Variants in PPM1G observed in about 807,000 individuals in gnomAD.
The protein encoded by PPM1G is protein phosphatase, Mg2+/Mn2+ dependent 1G.
Under a neutral mutation model 59.4 loss-of-function variants are expected in PPM1G, and 12 were observed. The ratio of observed to expected loss-of-function variants is 0.20; its 90% confidence interval spans 0.13 to 0.33. The LOEUF (loss-of-function observed/expected upper bound fraction) is 0.33. Among genes scored for constraint, PPM1G ranks in the 10% least tolerant of loss-of-function variants. PPM1G has a pLI of 1.00. For missense variants in PPM1G, 392 were observed against 681.3 expected (o/e 0.58, Z 4.73); for synonymous variants, 245 against 251.9 (o/e 0.97, Z 0.26).
chr2:27,387,599 C>T lies in PPM1G; in HGVS notation c.121-441G>A, dbSNP rs113849469. Among the ~76,000 whole-genome samples the T allele has an allele frequency of 5.9e-4, 89 of 152,082 alleles. 1 individual carries two copies. The highest frequency in any genetic ancestry group is 2.1e-3 in the African/African-American group (86 of 41,474). On this transcript the variant is annotated intron_variant, in intron 1 of 9. Coordinates refer to ENST00000344034, the MANE Select transcript of PPM1G (RefSeq NM_177983.3). ...CACTGCAACCTCCGCCTCGTGGGTT[C>T]AAGCGATTCTCCTGCCTCCGCCTGC... is the stretch of plus-strand genomic sequence containing the variant.
At position 27,388,237 on chromosome 2, in the gene PPM1G, C is replaced by T. The variant is rs369446764; in HGVS notation, c.121-1079G>A. 7.9e-4 allele frequency among the ~76,000 whole-genome samples: 120 copies of T among 151,558 alleles called. 1 individual carries two copies. Among genetic ancestry groups the T allele is most frequent in the African/African-American group, 2.6e-3 (107 of 41,400 alleles). ...CATCCTGGCCAACATGGTGAAACCCCGTCTCTACTAAAAATACAAAAATTA... is the reference window on the plus strand; with the variant it reads ...CATCCTGGCCAACATGGTGAAACCCTGTCTCTACTAAAAATACAAAAATTA... On this transcript the variant is annotated intron_variant, in intron 1 of 9. Transcript: ENST00000344034.
Position 27,384,232 on chromosome 2 carries a change from G to T in PPM1G, c.826-140C>A. 7.1e-7 allele frequency: 1 copy of T among 1,416,678 alleles called. No individual in the cohort carries two copies. Among genetic ancestry groups the T allele is most frequent in the Non-Finnish European group, 9.5e-7 (1 of 1,052,288 alleles). 87.8% of individuals were successfully genotyped at this position (1,416,678 alleles called of 1,614,324 possible). A position where few individuals can be genotyped will look rare whatever the true frequency, so the allele number is the denominator to read the frequency against. ...ATACAAGTATATGGTCATGAAAATT[G>T]GGGGGATGGAAAGGGCTAGCATGAG... is the stretch of plus-strand genomic sequence containing the variant. On this transcript the variant is annotated intron_variant, in intron 5 of 9. Coordinates refer to ENST00000344034, the MANE Select transcript of PPM1G (RefSeq NM_177983.3). The surrounding 1 kb of genome is among the most constrained non-coding windows in gnomAD (Gnocchi z 4.8).
intron 1 of PPM1G, among the ~76,000 whole-genome samples, chr2:27,399,660 G>C (rs1160691043): frequency 1.6e-4 from 25 of 152,126 alleles, no homozygotes; most frequent in Admixed American, 1.6e-3. Flanking sequence ...TTAGCCATCA[G>C]AGAAATACAA....
At chr2:27,389,697 G>A (rs1294526552) in intron 1 of PPM1G, among the ~76,000 whole-genome samples, 1 of 152,176 alleles carries the variant, frequency 6.6e-6, no homozygotes, top group Non-Finnish European at 1.5e-5. Context: ...AGGTGCGATG[G>A]CTCACACCTG....
intron 1 of PPM1G, 135 bp from the exon 2 acceptor site, chr2:27,387,293 T>G: frequency 1.6e-6 from 1 of 641,898 alleles, no homozygotes; most frequent in East Asian, 2.8e-5. Context: ...GAAGAAGGAA[T>G]GATAAAATAA....
At chr2:27,394,417 T>C (rs2148423352) in intron 1 of PPM1G, among the ~76,000 whole-genome samples, 3 of 152,212 alleles carry the variant, frequency 2.0e-5, no homozygotes, top group Non-Finnish European at 4.4e-5. Context: ...GGCTAAATCA[T>C]TTCTGATCAT....
At chr2:27,398,606 G>A (rs899278883) in intron 1 of PPM1G, among the ~76,000 whole-genome samples, 3 of 151,232 alleles carry the variant, frequency 2.0e-5, no homozygotes, top group Admixed American at 6.6e-5. Context: ...GACGGATCAC[G>A]AGGTCAAGAG....
In PPM1G at chr2:27,392,286, G is replaced by GTTTTTTTTTTT. The variant is rs70953857; in HGVS notation, c.121-5139_121-5129dup. Among the ~76,000 whole-genome samples the GTTTTTTTTTTT allele has an allele frequency of 1.9e-3, 134 of 70,320 alleles. 1 individual carries two copies. Among genetic ancestry groups the GTTTTTTTTTTT allele is most frequent in the African/African-American group, 3.6e-3 (58 of 16,232 alleles). The allele number at this position is 70,320 out of a possible 152,430, so 46.1% of individuals were successfully genotyped here. ...TTACTTTGTTTTGTTGGTTTGTTTT[G>GTTTTTTTTTTT]TTTTTTTTTTTTTTTTTTTTTTTTG... On this transcript the variant is annotated intron_variant, in intron 1 of 9. Transcript: ENST00000344034.
chr2:27,384,099 G>A lies in PPM1G; in HGVS notation c.826-7C>T, dbSNP rs763993801. ...CCTCTTCCTCGCTGCATTCCTGCCA[G>A]GGGGAGGATCCCAGACTGCTGAGAC... is the stretch of plus-strand genomic sequence containing the variant. On this transcript the variant is annotated splice_polypyrimidine_tract_variant and splice_region_variant and intron_variant, in intron 5 of 9. Transcript: ENST00000344034. The surrounding 1 kb of genome is among the most constrained non-coding windows in gnomAD (Gnocchi z 4.8). 1.2e-6 allele frequency: 2 copies of A among 1,613,902 alleles called. No homozygotes were observed. The highest frequency in any genetic ancestry group is 8.5e-7 in the Non-Finnish European group (1 of 1,179,928).
At chr2:27,404,214 T>C (rs1467794667) in intron 1 of PPM1G, among the ~76,000 whole-genome samples, 5 of 152,060 alleles carry the variant, frequency 3.3e-5, no homozygotes, top group Non-Finnish European at 5.9e-5. Context: ...CTATAGATAT[T>C]GACACTGCCT....
intron 1 of PPM1G, among the ~76,000 whole-genome samples, chr2:27,404,854 G>A (rs1402625641): frequency 1.4e-5 from 2 of 148,088 alleles, no homozygotes; most frequent in Non-Finnish European, 3.0e-5. Context: ...TGAGGCAGGA[G>A]AATCGCTTGA....
At chr2:27,403,638 G>C (rs768007791) in intron 1 of PPM1G, among the ~76,000 whole-genome samples, 1 of 152,066 alleles carries the variant, frequency 6.6e-6, no homozygotes, top group Non-Finnish European at 1.5e-5. Flanking sequence ...TGTAATCCCA[G>C]CACTTTGGGA....
In PPM1G at chr2:27,385,607, CAGG is replaced by C; in HGVS notation, c.409+137_409+139del. On this transcript the variant is annotated intron_variant, in intron 4 of 9. Coordinates refer to ENST00000344034, the MANE Select transcript of PPM1G (RefSeq NM_177983.3). The surrounding 1 kb of genome is among the most constrained non-coding windows in gnomAD (Gnocchi z 4.1). ...CTCCTTTTCATAACCACATACAATG[CAGG>C]AGAACATCATAGGTTTCTTTAACAT... 9.3e-7 allele frequency: 1 copy of C among 1,074,032 alleles called. No homozygotes were observed. Among genetic ancestry groups the C allele is most frequent in the Non-Finnish European group, 1.3e-6 (1 of 761,058 alleles). The allele number at this position is 1,074,032 out of a possible 1,614,324, so 66.5% of individuals were successfully genotyped here. A position where few individuals can be genotyped will look rare whatever the true frequency, so the allele number is the denominator to read the frequency against.
In PPM1G at chr2:27,392,876, T is replaced by C. The variant is rs1389107189; in HGVS notation, c.121-5718A>G. On this transcript the variant is annotated intron_variant, in intron 1 of 9. Coordinates refer to ENST00000344034, the MANE Select transcript of PPM1G (RefSeq NM_177983.3). ...GGCGCTCCCATCTCGTGCATGTTGG[T>C]CACGTGGTCACCCAATTCTTTGATG... The C allele has an allele frequency of 2.1e-6, 3 of 1,432,738 alleles. No homozygotes were observed. The Admixed American group carries it at 5.0e-5, about 24-fold the overall frequency. The allele number at this position is 1,432,738 out of a possible 1,614,324, so 88.8% of individuals were successfully genotyped here.
Position 27,383,812 on chromosome 2 carries a change from T to C in PPM1G, c.966+140A>G, listed in dbSNP as rs988099974. 1 of 1,341,456 alleles carries C rather than the reference T, an allele frequency of 7.5e-7. No homozygotes were observed. The highest frequency in any genetic ancestry group is 1.5e-5 in the African/African-American group (1 of 67,942). The allele number at this position is 1,341,456 out of a possible 1,614,324, so 83.1% of individuals were successfully genotyped here. A position where few individuals can be genotyped will look rare whatever the true frequency, so the allele number is the denominator to read the frequency against. ...TCAACCCCAAAGGCTTACCATCTCA[T>C]TCCCCTTGCAGAATAAATCCCCATG... On this transcript the variant is annotated intron_variant, in intron 6 of 9. Transcript: ENST00000344034. The surrounding 1 kb of genome is among the most constrained non-coding windows in gnomAD (Gnocchi z 5.0).
Position 27,392,286 on chromosome 2 carries a change from G to GTTTTTTTTTTTTTTTT in PPM1G, c.121-5144_121-5129dup, listed in dbSNP as rs70953857. Among the ~76,000 whole-genome samples, 53 of 70,390 alleles carry GTTTTTTTTTTTTTTTT rather than the reference G, an allele frequency of 7.5e-4. 7 individuals are homozygous for GTTTTTTTTTTTTTTTT. The highest frequency in any genetic ancestry group is 3.2e-3 in the African/African-American group (52 of 16,234). The allele number at this position is 70,390 out of a possible 152,430, so 46.2% of individuals were successfully genotyped here. A position where few individuals can be genotyped will look rare whatever the true frequency, so the allele number is the denominator to read the frequency against. On this transcript the variant is annotated intron_variant, in intron 1 of 9. Transcript: ENST00000344034. ...TTACTTTGTTTTGTTGGTTTGTTTT[G>GTTTTTTTTTTTTTTTT]TTTTTTTTTTTTTTTTTTTTTTTTG... is the stretch of plus-strand genomic sequence containing the variant.
Position 27,383,067 on chromosome 2 carries a change from C to A in PPM1G, c.1201+299G>T, listed in dbSNP as rs946871770. Among the ~76,000 whole-genome samples, 1 of 151,728 alleles carries A rather than the reference C, an allele frequency of 6.6e-6. No individual in the cohort carries two copies. The highest frequency in any genetic ancestry group is 1.5e-5 in the Non-Finnish European group (1 of 67,950). On this transcript the variant is annotated intron_variant, in intron 7 of 9. Transcript: ENST00000344034. This position sits in a 1 kb window ranked among gnomAD's most constrained non-coding sequence, Gnocchi z 5.0. ...GCCAGGCTGGCCTCGAACTCCTGAC[C>A]TCAGGCGATCCACCAGCCTCAGCCT... is the stretch of plus-strand genomic sequence containing the variant.
intron 1 of PPM1G, among the ~76,000 whole-genome samples, chr2:27,396,807 C>T (rs1684063772): frequency 8.3e-6 from 1 of 121,046 alleles, no homozygotes; most frequent in African/African-American, 3.7e-5. Flanking sequence ...CAGAGCAAGA[C>T]TCCGTCTCCA....
chr2:27,409,163 C>T, intron 1 of PPM1G, 140 bp downstream of exon 1: 1 of 1,265,460 alleles, frequency 7.9e-7, no homozygotes, highest in Non-Finnish European at 1.0e-6. Flanking sequence ...ACCCCGCGGT[C>T]TCTGTCGCCC....
Sources: allele counts gnomAD v4.1 joint callset (sites outside exome capture counted in the v4.1 genomes callset), GRCh38; gene constraint gnomAD v4.1.1; non-coding constraint Gnocchi (gnomAD v3.1); transcripts MANE v1.5; gene names NCBI Gene and HGNC (gene_info 2026-07-23, HGNC 2026-07-21).